Variants in CFTR observed in about 807,000 individuals in gnomAD.
CFTR encodes CF transmembrane conductance regulator.
A neutral mutation model predicts 171.6 loss-of-function variants in CFTR; 181 were observed. The ratio of observed to expected loss-of-function variants is 1.05; its 90% confidence interval spans 0.93 to 1.19. CFTR has a LOEUF of 1.19. CFTR is among the 50% of genes most tolerant of loss of function. The pLI, the probability that CFTR is intolerant of heterozygous loss-of-function variation, is 0.00. For synonymous variants in CFTR, 583 were observed against 608.0 expected, an observed-to-expected ratio of 0.96 and a Z score of 0.60; for missense variants, 1,968 against 1,734.7, an observed-to-expected ratio of 1.13 and a Z score of -2.39.
rs146429344 is a variant in CFTR, at chr7:117,485,386, A to C, written c.53+5239A>C. Among the ~76,000 whole-genome samples, 550 of 152,314 alleles carry C rather than the reference A, an allele frequency of 3.6e-3. 3 individuals carry two copies. The highest frequency in any genetic ancestry group is 0.013 in the African/African-American group (528 of 41,560). ...AGATGCAATGAGGTCAAAAGGGGAA[A>C]ACAGACTATGATAAAGATCAAGTTG... On this transcript the variant is annotated intron_variant, in intron 1 of 26. Coordinates refer to ENST00000003084, the MANE Select transcript of CFTR (RefSeq NM_000492.4).
intron 22 of CFTR, among the ~76,000 whole-genome samples, chr7:117,632,610 G>A (rs953944891): frequency 3.3e-5 from 5 of 151,708 alleles, no homozygotes; most frequent in Admixed American, 6.6e-5. Context: ...GAAAAAGAAC[G>A]CCATTAGGTA....
chr7:117,565,909 A>G (rs1358418950), intron 11 of CFTR, among the ~76,000 whole-genome samples: 1 of 152,120 alleles, frequency 6.6e-6, no homozygotes, highest in Non-Finnish European at 1.5e-5. Flanking sequence ...ACTGTTCTGG[A>G]AAATAAACTC....
chr7:117,657,066 A>T (rs973185301), intron 24 of CFTR, among the ~76,000 whole-genome samples: 2 of 152,226 alleles, frequency 1.3e-5, no homozygotes, highest in Non-Finnish European at 2.9e-5. Flanking sequence ...AAGATCTTTG[A>T]TATGACTTCA....
rs577508201 is a variant in CFTR, at chr7:117,596,250, G to A, written c.2619+1192G>A. ...GGCCCCGCACTCGGAGCAGCCGGCC[G>A]GCCCCGCGAGCCCCAGGCAGTGAGG... On this transcript the variant is annotated intron_variant, in intron 15 of 26. Transcript: ENST00000003084. 1.3e-3 allele frequency among the ~76,000 whole-genome samples: 196 copies of A among 152,334 alleles called. 1 individual carries two copies. Among genetic ancestry groups the A allele is most frequent in the African/African-American group, 4.4e-3 (182 of 41,588 alleles).
At chr7:117,597,386 C>A (rs1792148471) in intron 15 of CFTR, among the ~76,000 whole-genome samples, 1 of 152,206 alleles carries the variant, frequency 6.6e-6, no homozygotes, top group South Asian at 2.1e-4. Context: ...ATTCCGGACA[C>A]AATTTGACTG....
intron 22 of CFTR, 117 bp downstream of exon 22, chr7:117,627,887 A>G: frequency 9.4e-7 from 1 of 1,060,936 alleles, no homozygotes. Flanking sequence ...AGTAGAATCA[A>G]TATTAAACAC....
intron 2 of CFTR, among the ~76,000 whole-genome samples, chr7:117,505,835 G>C (rs897032927): frequency 6.6e-6 from 1 of 152,050 alleles, no homozygotes; most frequent in Non-Finnish European, 1.5e-5. Context: ...TTGGCATTTT[G>C]AAGGCAAAGT....
intron 11 of CFTR, among the ~76,000 whole-genome samples, chr7:117,574,420 T>A (rs1206694030): frequency 6.6e-6 from 1 of 152,124 alleles, no homozygotes; most frequent in Non-Finnish European, 1.5e-5. Flanking sequence ...GAAACACTTA[T>A]TATTAAAGTT....
intron 25 of CFTR, 107 bp from the exon 26 acceptor site, chr7:117,665,352 G>C: frequency 1.4e-6 from 1 of 736,878 alleles, no homozygotes; most frequent in Non-Finnish European, 2.3e-6. Context: ...AGAACTTAAA[G>C]AAATAAGTAA....
At chr7:117,623,554 C>G (rs1792611376) in intron 21 of CFTR, among the ~76,000 whole-genome samples, 2 of 152,160 alleles carry the variant, frequency 1.3e-5, no homozygotes, top group South Asian at 4.1e-4. Context: ...AGGTTAAAAG[C>G]TCAATGAAAA....
intron 1 of CFTR, among the ~76,000 whole-genome samples, chr7:117,496,054 A>G (rs541316536): frequency 6.6e-6 from 1 of 152,300 alleles, no homozygotes; most frequent in South Asian, 2.1e-4. Context: ...CTCGCCCTAG[A>G]CAACTACAAA....
At chr7:117,496,745 T>G (rs1401083092) in intron 1 of CFTR, among the ~76,000 whole-genome samples, 2 of 152,188 alleles carry the variant, frequency 1.3e-5, no homozygotes, top group Non-Finnish European at 2.9e-5. Context: ...TTTGAGGATT[T>G]TTCAAACTGT....
At chr7:117,656,114 G>A (rs369953587) in intron 24 of CFTR, among the ~76,000 whole-genome samples, 16 of 152,116 alleles carry the variant, frequency 1.1e-4, no homozygotes, top group South Asian at 2.1e-4. Flanking sequence ...ATCAATTTGC[G>A]TCAATGAAAC....
intron 1 of CFTR, among the ~76,000 whole-genome samples, chr7:117,483,279 T>C (rs1584765792): frequency 6.6e-6 from 1 of 152,322 alleles, no homozygotes; most frequent in South Asian, 2.1e-4. Flanking sequence ...AAATTGCCTT[T>C]CTAAATAATA....
chr7:117,510,110 A>G (rs983824015), intron 3 of CFTR, among the ~76,000 whole-genome samples: 1 of 152,150 alleles, frequency 6.6e-6, no homozygotes, highest in Non-Finnish European at 1.5e-5. Context: ...ATAATTTCCT[A>G]GAAGAAATTT....
At chr7:117,641,399 A>G (rs552093551) in intron 22 of CFTR, among the ~76,000 whole-genome samples, 4 of 152,200 alleles carry the variant, frequency 2.6e-5, no homozygotes, top group Non-Finnish European at 5.9e-5. Context: ...ATTGATATGT[A>G]GTGAATTAGA....
chr7:117,558,959 C>T (rs1799407645), intron 10 of CFTR, among the ~76,000 whole-genome samples: 1 of 152,276 alleles, frequency 6.6e-6, no homozygotes, highest in South Asian at 2.1e-4. Context: ...TTTGTACTAT[C>T]ATCTCTTAAA....
In CFTR at chr7:117,584,918, T is replaced by G. The variant is rs1025184268; in HGVS notation, c.1585-2821T>G. Among the ~76,000 whole-genome samples, 6 of 44,578 alleles carry G rather than the reference T, an allele frequency of 1.3e-4. No individual in the cohort carries two copies. In the East Asian group the frequency reaches 2.9e-3, roughly 22 times the overall value. 29.2% of individuals were successfully genotyped at this position (44,578 alleles called of 152,430 possible). Reference sequence around the variant, plus strand: ...TTAAGTATATTTTCATGTATTTTAGTTTTTTTTTTTTGTTTGTTTTGTTTT... The same window carrying G: ...TTAAGTATATTTTCATGTATTTTAGGTTTTTTTTTTTGTTTGTTTTGTTTT... On this transcript the variant is annotated intron_variant, in intron 11 of 26. Coordinates refer to ENST00000003084, the MANE Select transcript of CFTR (RefSeq NM_000492.4).
At chr7:117,520,902 C>A (rs980017738) in intron 3 of CFTR, among the ~76,000 whole-genome samples, 2 of 151,912 alleles carry the variant, frequency 1.3e-5, no homozygotes, top group African/African-American at 4.8e-5. Flanking sequence ...CCAAAAAAAT[C>A]TTTAAATGTT....
Sources: gnomAD v4.1 joint callset for allele counts (sites outside exome capture counted in the v4.1 genomes callset) on GRCh38, gnomAD v4.1.1 for gene constraint, MANE v1.5 for transcripts, NCBI Gene and HGNC (gene_info 2026-07-23, HGNC 2026-07-21) for gene names.